The following DOCK5 variants were observed in gnomAD, a reference collection of about 807,000 sequenced individuals.
DOCK5 encodes dedicator of cytokinesis protein 5.
In DOCK5, 142 loss-of-function variants were observed where a neutral mutation model predicts 251.8. The ratio of observed to expected loss-of-function variants is 0.56; its 90% CI spans 0.49 to 0.65. DOCK5 has a LOEUF of 0.65. Among genes scored for constraint, DOCK5 ranks in the 30% least tolerant of loss-of-function variants. The probability of loss-of-function intolerance (pLI) is 0.00; values close to 1 mark genes in which losing one functional copy is unlikely to be tolerated. For missense variants in DOCK5, 2,111 were observed against 2,312.3 expected (o/e 0.91, Z 1.79); for synonymous variants, 842 against 835.5 (o/e 1.01, Z -0.13).
At chr8:25,199,447 C>G (rs1471498711) in intron 1 of DOCK5, among the ~76,000 whole-genome samples, 1 of 149,500 alleles carries the variant, frequency 6.7e-6, no homozygotes, top group African/African-American at 2.5e-5. Flanking sequence ...GCAGTGGCAC[C>G]ATCTCAGCTC....
intron 34 of DOCK5, among the ~76,000 whole-genome samples, chr8:25,371,776 C>G (rs1388587966): frequency 6.6e-6 from 1 of 152,164 alleles, no homozygotes; most frequent in African/African-American, 2.4e-5. Flanking sequence ...TTCATTCTTC[C>G]TAGATCACTA....
Position 25,411,628 on chromosome 8 carries a change from C to A in DOCK5, c.*330C>A. The A allele has an allele frequency of 4.5e-6, 1 of 220,862 alleles. No individual in the cohort carries two copies. Among genetic ancestry groups the A allele is most frequent in the Non-Finnish European group, 8.8e-6 (1 of 113,508 alleles). The allele number at this position is 220,862 out of a possible 1,614,324, so 13.7% of individuals were successfully genotyped here. A position where few individuals can be genotyped will look rare whatever the true frequency, so the allele number is the denominator to read the frequency against. On this transcript the variant is annotated 3_prime_UTR_variant, in exon 52 of 52. Transcript: ENST00000276440. ...TCTGCACAAGCCTGGACAAGTTCTT[C>A]CATATTGATGGTGGAGCAACCCCTG...
chr8:25,373,809 A>G (rs925894613), intron 36 of DOCK5, among the ~76,000 whole-genome samples, 151 bp downstream of exon 36: 2 of 152,266 alleles, frequency 1.3e-5, no homozygotes, highest in Admixed American at 6.5e-5. Flanking sequence ...TGAACCGACA[A>G]ACTCTTTAGA....
At chr8:25,201,362 GTATTTCAA>G (rs1331235374) in intron 1 of DOCK5, among the ~76,000 whole-genome samples, 1 of 152,178 alleles carries the variant, frequency 6.6e-6, no homozygotes, top group Non-Finnish European at 1.5e-5. Flanking sequence ...ATAAAACAAA[GTATTTCAA>G]TAGTGAAAGA....
chr8:25,341,707 A>T (rs1028664620), intron 23 of DOCK5, 32 bp from the exon 24 acceptor site: 1 of 1,547,588 alleles, frequency 6.5e-7, no homozygotes, highest in African/African-American at 1.4e-5. Context: ...CTTGCCTGGC[A>T]ACTGAATTTG....
At chr8:25,326,600 C>T (rs1018510397) in intron 18 of DOCK5, among the ~76,000 whole-genome samples, 2 of 152,128 alleles carry the variant, frequency 1.3e-5, no homozygotes, top group Non-Finnish European at 1.5e-5. Flanking sequence ...ATGGACAAAG[C>T]GAATCCATTA....
intron 34 of DOCK5, among the ~76,000 whole-genome samples, chr8:25,371,452 G>A (rs1800871195): frequency 6.6e-6 from 1 of 152,120 alleles, no homozygotes; most frequent in African/African-American, 2.4e-5. Context: ...TGGCTACAGA[G>A]CAAGACTCCG....
At position 25,334,043 on chromosome 8, in the gene DOCK5, C is replaced by T. The variant is rs770454230; in HGVS notation, c.2092-53C>T. ...GAGATGTTAAAATGCGGCTTGTTGACAGAATACTTGGGATTGTGCAGTGCT... is the reference window on the plus strand; with the variant it reads ...GAGATGTTAAAATGCGGCTTGTTGATAGAATACTTGGGATTGTGCAGTGCT... On this transcript the variant is annotated intron_variant, in intron 20 of 51. Coordinates refer to ENST00000276440, the MANE Select transcript of DOCK5 (RefSeq NM_024940.8). 54 of 1,397,772 alleles carry T rather than the reference C, an allele frequency of 3.9e-5. 1 individual carries two copies. The highest frequency in any genetic ancestry group is 5.5e-5 in the Non-Finnish European group (54 of 986,618). The allele number at this position is 1,397,772 out of a possible 1,614,324, so 86.6% of individuals were successfully genotyped here.
rs371982765 is a variant in DOCK5 at position 25,375,812 on chromosome 8, A to G, written c.3816+1158A>G. ...TAGGGCATTAAAAAGCTTATTGTAT[A>G]ATGGACTGGGCCTGGTGGCTCACGC... On this transcript the variant is annotated intron_variant, in intron 37 of 51. Coordinates refer to ENST00000276440, the MANE Select transcript of DOCK5 (RefSeq NM_024940.8). 169 of 985,310 alleles carry G rather than the reference A, an allele frequency of 1.7e-4. 1 individual carries two copies. The African/African-American group carries it at 2.4e-3, about 14-fold the overall frequency. The allele number at this position is 985,310 out of a possible 1,614,324, so 61.0% of individuals were successfully genotyped here.
intron 48 of DOCK5, among the ~76,000 whole-genome samples, chr8:25,407,527 T>C (rs1378972340): frequency 6.6e-6 from 1 of 152,210 alleles, no homozygotes; most frequent in East Asian, 1.9e-4. Flanking sequence ...TTTGTTCAGT[T>C]GTAATTGAAA....
chr8:25,190,775 G>GTTTTTTT (rs755511798), intron 1 of DOCK5, among the ~76,000 whole-genome samples: 10 of 53,976 alleles, frequency 1.9e-4, no homozygotes, highest in African/African-American at 2.7e-4. Flanking sequence ...CTTGGTCATG[G>GTTTTTTT]GTTTTTTTTT....
chr8:25,260,727 A>T (rs1803554420), intron 2 of DOCK5, among the ~76,000 whole-genome samples: 1 of 152,244 alleles, frequency 6.6e-6, no homozygotes, highest in East Asian at 1.9e-4. Context: ...TGAATGAATG[A>T]CCACATTAGT....
rs1800714411 is a variant in DOCK5, at chr8:25,363,032, C to T, written c.2950-15C>T. 6.2e-7 allele frequency: 1 copy of T among 1,609,964 alleles called. No homozygotes were observed. Among genetic ancestry groups the T allele is most frequent in the African/African-American group, 1.3e-5 (1 of 74,954 alleles). On this transcript the variant is annotated splice_polypyrimidine_tract_variant and intron_variant, in intron 28 of 51. Coordinates refer to ENST00000276440, the MANE Select transcript of DOCK5 (RefSeq NM_024940.8). ...TAACCCAGTTTTCCCCCAACCACTC[C>T]TCTGTTCTCCGCAGGACTTCCTCAT...
At chr8:25,245,500 T>A (rs1349212950) in intron 2 of DOCK5, among the ~76,000 whole-genome samples, 1 of 152,088 alleles carries the variant, frequency 6.6e-6, no homozygotes. Flanking sequence ...CCATGTGGGC[T>A]TGGAAAGAAT....
intron 37 of DOCK5, 53 bp from the exon 38 acceptor site, chr8:25,377,252 G>C: frequency 6.4e-7 from 1 of 1,552,850 alleles, no homozygotes; most frequent in Non-Finnish European, 8.7e-7. Context: ...TCTTGATGTT[G>C]GGGGGCTGAA....
At chr8:25,404,365 G>A in intron 48 of DOCK5, among the ~76,000 whole-genome samples, 1 of 152,086 alleles carries the variant, frequency 6.6e-6, no homozygotes, top group East Asian at 1.9e-4. Flanking sequence ...TTGTATGTAT[G>A]TGGCATGATA....
chr8:25,266,416 CG>C (rs201279934), intron 2 of DOCK5, among the ~76,000 whole-genome samples: 5,831 of 151,726 alleles, frequency 0.038, 462 homozygotes, highest in African/African-American at 0.13. Flanking sequence ...GGGGTTTCAC[CG>C]TGATAGCCAG....
chr8:25,185,482 A>C (rs1378658955), intron 1 of DOCK5, among the ~76,000 whole-genome samples: 2 of 152,044 alleles, frequency 1.3e-5, no homozygotes, highest in African/African-American at 4.8e-5. Flanking sequence ...TCTTGATGAC[A>C]GTTGTGAGCT....
At chr8:25,231,523 A>G (rs1802668321) in intron 1 of DOCK5, among the ~76,000 whole-genome samples, 1 of 152,192 alleles carries the variant, frequency 6.6e-6, no homozygotes, top group African/African-American at 2.4e-5. Flanking sequence ...TACATTGACC[A>G]AAAAATTAGG....
Sources: allele counts gnomAD v4.1 joint callset (sites outside exome capture counted in the v4.1 genomes callset), GRCh38; gene constraint gnomAD v4.1.1; transcripts MANE v1.5; gene names NCBI Gene and HGNC (gene_info 2026-07-23, HGNC 2026-07-21).